TANC1: variants seen among roughly 807,000 people sequenced by gnomAD.
The protein encoded by TANC1 is protein TANC1.
TANC1 carries 77 observed loss-of-function variants against 149.7 expected under a neutral mutation model. That is an observed-to-expected ratio of 0.51 (90% CI 0.43 to 0.62). The LOEUF is 0.62. TANC1 is among the 20% of genes least tolerant of loss of function. The probability of loss-of-function intolerance (pLI) is 0.00; values close to 1 mark genes in which losing one functional copy is unlikely to be tolerated. For synonymous variants in TANC1, 854 were observed against 925.0 expected, an observed-to-expected ratio of 0.92 and a Z score of 1.39; for missense variants, 1,985 against 2,321.8, an observed-to-expected ratio of 0.85 and a Z score of 2.98.
At chr2:159,038,151 C>G (rs1037740202) in intron 2 of TANC1, among the ~76,000 whole-genome samples, 2 of 152,060 alleles carry the variant, frequency 1.3e-5, no homozygotes, top group Non-Finnish European at 2.9e-5. Flanking sequence ...ATTTGGCTCT[C>G]TGTGTCTGTT....
At chr2:159,199,116 G>A in intron 19 of TANC1, 63 bp downstream of exon 19, 1 of 1,340,534 alleles carries the variant, frequency 7.5e-7, no homozygotes, top group East Asian at 2.3e-5. Flanking sequence ...CCCTATTTTG[G>A]CCTAATTGTC....
Position 159,084,303 on chromosome 2 carries a change from C to G in TANC1, c.62-13334C>G, listed in dbSNP as rs549806266. ...TTTTCTTCGTCACTCCTAGCTCCCCCCCCAATACAGGCCTGGGAAAGACCT... is the reference window on the plus strand; with the variant it reads ...TTTTCTTCGTCACTCCTAGCTCCCCGCCCAATACAGGCCTGGGAAAGACCT... On this transcript the variant is annotated intron_variant, in intron 3 of 26. Coordinates refer to ENST00000263635, the MANE Select transcript of TANC1 (RefSeq NM_033394.3). Among the ~76,000 whole-genome samples, 12 of 152,216 alleles carry G rather than the reference C, an allele frequency of 7.9e-5. No homozygotes were observed. In the East Asian group the frequency reaches 1.2e-3, roughly 15 times the overall value.
chr2:159,206,507 T>C (rs1426353066), intron 19 of TANC1, among the ~76,000 whole-genome samples: 1 of 152,192 alleles, frequency 6.6e-6, no homozygotes, highest in East Asian at 1.9e-4. Context: ...AGGGGTGGTG[T>C]CTCAAGCACG....
intron 4 of TANC1, among the ~76,000 whole-genome samples, chr2:159,135,598 G>T (rs2050583605): frequency 1.3e-5 from 2 of 152,260 alleles, no homozygotes; most frequent in African/African-American, 4.8e-5. Flanking sequence ...AAGCCTGTTG[G>T]TCTCTCCTAT....
chr2:159,183,749 A>G (rs895643549), intron 14 of TANC1, among the ~76,000 whole-genome samples: 3 of 152,056 alleles, frequency 2.0e-5, no homozygotes, highest in African/African-American at 7.3e-5. Context: ...TCACTGAGAG[A>G]TAGTGTGGAG....
chr2:159,108,825 A>C (rs1271014608), intron 4 of TANC1, among the ~76,000 whole-genome samples: 1 of 152,162 alleles, frequency 6.6e-6, no homozygotes, highest in East Asian at 1.9e-4. Flanking sequence ...TGGGAACCAG[A>C]GTGCCTTACA....
At position 159,226,557 on chromosome 2, in the gene TANC1, G is replaced by C. The variant is rs13409911; in HGVS notation, c.3903+778G>C. ...TTAATTTCTAGAATTTGAAAGTGTT[G>C]TTAGAGATTTTTACTTAATACAGTC... On this transcript the variant is annotated intron_variant, in intron 24 of 26. Transcript: ENST00000263635. The C allele has an allele frequency of 1.1e-4, 16 of 152,214 alleles. No individual in the cohort carries two copies. In the East Asian group the frequency reaches 2.9e-3, roughly 28 times the overall value. 9.4% of individuals were successfully genotyped at this position (152,214 alleles called of 1,614,324 possible).
At chr2:159,128,338 T>A (rs942343439) in intron 4 of TANC1, among the ~76,000 whole-genome samples, 1 of 152,222 alleles carries the variant, frequency 6.6e-6, no homozygotes, top group Non-Finnish European at 1.5e-5. Flanking sequence ...TTGTCCTTCA[T>A]CCATACCCTG....
At chr2:159,155,484 T>C (rs1559359500) in intron 7 of TANC1, among the ~76,000 whole-genome samples, 1 of 152,194 alleles carries the variant, frequency 6.6e-6, no homozygotes, top group South Asian at 2.1e-4. Context: ...GCTAGGACAG[T>C]TCCATGAAGG....
intron 3 of TANC1, among the ~76,000 whole-genome samples, chr2:159,080,751 C>T (rs1027811150): frequency 6.6e-6 from 1 of 152,134 alleles, no homozygotes; most frequent in Non-Finnish European, 1.5e-5. Context: ...TGCTTTGGCT[C>T]CTTGAGGTGG....
chr2:159,219,181 T>C, intron 20 of TANC1, 57 bp from the exon 21 acceptor site: 2 of 1,606,934 alleles, frequency 1.2e-6, no homozygotes, highest in African/African-American at 1.3e-5. Flanking sequence ...TGCCTGGGTA[T>C]AGCAGGTGTG....
At chr2:159,167,194 C>T (rs1178769708) in intron 8 of TANC1, among the ~76,000 whole-genome samples, 1 of 152,168 alleles carries the variant, frequency 6.6e-6, no homozygotes, top group Non-Finnish European at 1.5e-5. Context: ...AGCATTATGT[C>T]AGATGTTCAT....
chr2:159,007,454 T>A (rs73001027), intron 2 of TANC1, among the ~76,000 whole-genome samples: 3,614 of 152,266 alleles, frequency 0.024, 136 homozygotes, highest in African/African-American at 0.082. Flanking sequence ...CCATATGCTG[T>A]GTTTTTACTG....
At chr2:159,164,507 G>A (rs2054375932) in intron 8 of TANC1, among the ~76,000 whole-genome samples, 1 of 152,148 alleles carries the variant, frequency 6.6e-6, no homozygotes, top group South Asian at 2.1e-4. Flanking sequence ...AGGTGGGTGG[G>A]GAAAGGAGCT....
intron 3 of TANC1, among the ~76,000 whole-genome samples, chr2:159,091,007 A>G (rs2045472729): frequency 6.6e-6 from 1 of 152,088 alleles, no homozygotes; most frequent in Admixed American, 6.6e-5. Context: ...AAAAGTGAAA[A>G]TAGACGAGGG....
chr2:159,187,157 C>G (rs1398132106), intron 16 of TANC1, 133 bp downstream of exon 16: 1 of 1,048,036 alleles, frequency 9.5e-7, no homozygotes, highest in South Asian at 1.7e-5. Context: ...GATGTGCTTC[C>G]CTGATCACAC....
chr2:159,052,056 C>G (rs938457050), intron 2 of TANC1, among the ~76,000 whole-genome samples: 2 of 152,080 alleles, frequency 1.3e-5, no homozygotes, highest in Non-Finnish European at 2.9e-5. Flanking sequence ...CGGGAGAGGC[C>G]AAGCCTTGGG....
At chr2:159,076,864 A>G (rs942441677) in intron 3 of TANC1, among the ~76,000 whole-genome samples, 2 of 152,144 alleles carry the variant, frequency 1.3e-5, no homozygotes, top group Non-Finnish European at 2.9e-5. Context: ...TTCCTTTATT[A>G]TCTCACACCG....
chr2:158,994,357 A>G (rs1202068003), intron 1 of TANC1, among the ~76,000 whole-genome samples: 1 of 151,920 alleles, frequency 6.6e-6, no homozygotes, highest in East Asian at 1.9e-4. Flanking sequence ...GCAGCCTCCA[A>G]CTCCTGGGGT....
Sources: allele counts gnomAD v4.1 joint callset (sites outside exome capture counted in the v4.1 genomes callset), GRCh38; gene constraint gnomAD v4.1.1; transcripts MANE v1.5; gene names NCBI Gene and HGNC (gene_info 2026-07-23, HGNC 2026-07-21).